DDX6: variants seen among roughly 807,000 people sequenced by gnomAD.
DDX6 encodes the protein probable ATP-dependent RNA helicase DDX6.
Under a neutral mutation model 60.6 loss-of-function variants are expected in DDX6, and 7 were observed. The ratio of observed to expected loss-of-function variants is 0.12; its 90% CI spans 0.07 to 0.22. DDX6 has a LOEUF of 0.22. DDX6 is among the 10% of genes least tolerant of loss of function. DDX6 has a pLI of 1.00. For synonymous variants in DDX6, 207 were observed against 201.0 expected, an observed-to-expected ratio of 1.03 and a Z score of -0.25; for missense variants, 270 against 589.9, an observed-to-expected ratio of 0.46 and a Z score of 5.62.
At chr11:118,774,583 C>T (rs984384800) in intron 4 of DDX6, among the ~76,000 whole-genome samples, 2 of 149,968 alleles carry the variant, frequency 1.3e-5, no homozygotes, top group African/African-American at 4.9e-5. Context: ...GACTACATGT[C>T]CCCCATGCCC....
intron 2 of DDX6, among the ~76,000 whole-genome samples, chr11:118,783,927 G>A (rs541365988): frequency 2.6e-5 from 4 of 151,280 alleles, no homozygotes; most frequent in African/African-American, 9.7e-5. Context: ...ACCAGCCTGG[G>A]CAACATGACA....
chr11:118,786,192 C>G lies in DDX6; in HGVS notation c.60G>C (p.Gln20His). The change falls in exon 2 of 14, where the codon CAG (glutamine) becomes CAC (histidine). Residue 20 changes from glutamine (Q) to histidine (H), a missense_variant. Around this residue, in one of 8 missense-constraint regions of DDX6, gnomAD observed 102 missense variants for 110.5 expected, o/e 0.92. Coordinates refer to ENST00000534980, the MANE Select transcript of DDX6 (RefSeq NM_004397.6). ...VIMGLSSQNG[Q>H]LRGPVKPTGG... The stretch of plus-strand genomic sequence containing the variant: ...CAGTGGGTTTCACAGGGCCTCTCAG[C>G]TGACCATTTTGACTGGACAGACCCA... 1 of 1,613,968 alleles carries G rather than the reference C, an allele frequency of 6.2e-7. No homozygotes were observed. Among genetic ancestry groups the G allele is most frequent in the Non-Finnish European group, 8.5e-7 (1 of 1,179,884 alleles).
At chr11:118,757,414 TGAGA>T (rs1274445523) in intron 9 of DDX6, 127 bp from the exon 10 acceptor site, 100 of 503,760 alleles carry the variant, frequency 2.0e-4, no homozygotes, top group Non-Finnish European at 2.8e-4. Flanking sequence ...TCTCATGATA[TGAGA>T]GAGATGGTAA....
chr11:118,778,763 T>A (rs1457874278), intron 4 of DDX6, among the ~76,000 whole-genome samples: 1 of 152,138 alleles, frequency 6.6e-6, no homozygotes, highest in Non-Finnish European at 1.5e-5. Context: ...TAGGCACACC[T>A]TCAAACATGA....
intron 13 of DDX6, among the ~76,000 whole-genome samples, chr11:118,754,076 C>A (rs967987980): frequency 6.6e-6 from 1 of 151,812 alleles, no homozygotes; most frequent in Admixed American, 6.6e-5. Flanking sequence ...CCAGCCTGGG[C>A]AACAGAGCAA....
chr11:118,768,847 A>T (rs1861438910), intron 4 of DDX6, among the ~76,000 whole-genome samples: 1 of 151,676 alleles, frequency 6.6e-6, no homozygotes, highest in Non-Finnish European at 1.5e-5. Flanking sequence ...AAAAACCCCA[A>T]CTCTACAAAA....
chr11:118,777,214 TCAAA>T (rs2137518014), intron 4 of DDX6, among the ~76,000 whole-genome samples: 1 of 143,182 alleles, frequency 7.0e-6, no homozygotes, highest in East Asian at 2.1e-4. Context: ...ATTCCCAAGG[TCAAA>T]CACTTTCTAG....
chr11:118,767,521 A>C (rs1555161480), intron 5 of DDX6: 1 of 151,834 alleles, frequency 6.6e-6, no homozygotes, highest in Non-Finnish European at 1.5e-5. Context: ...ACAGAAGTTC[A>C]TGTTTCTACA....
intron 12 of DDX6, 22 bp downstream of exon 12, chr11:118,755,380 A>AGT: frequency 6.8e-7 from 1 of 1,476,710 alleles, no homozygotes; most frequent in Non-Finnish European, 9.4e-7. Context: ...TCTACCAAGA[A>AGT]TATCACCTCT....
Position 118,760,192 on chromosome 11 carries a change from A to G in DDX6, c.742-148T>C, listed in dbSNP as rs574787781. ...AACAATAAATTCTCTCCAACACTGC[A>G]GAGAGTCAAATATGCAGAAGGGGGC... is the stretch of plus-strand genomic sequence containing the variant. On this transcript the variant is annotated intron_variant, in intron 7 of 13. Coordinates refer to ENST00000534980, the MANE Select transcript of DDX6 (RefSeq NM_004397.6). 8.9e-6 allele frequency: 7 copies of G among 786,040 alleles called. No individual in the cohort carries two copies. The Admixed American group carries it at 1.9e-4, about 22-fold the overall frequency. The allele number at this position is 786,040 out of a possible 1,614,324, so 48.7% of individuals were successfully genotyped here. A position where few individuals can be genotyped will look rare whatever the true frequency, so the allele number is the denominator to read the frequency against.
At chr11:118,771,644 T>G (rs1479083199) in intron 4 of DDX6, among the ~76,000 whole-genome samples, 1 of 152,228 alleles carries the variant, frequency 6.6e-6, no homozygotes, top group East Asian at 1.9e-4. Context: ...AAACGAAAAC[T>G]TTTTTTAAAA....
In DDX6 at chr11:118,786,325, A is replaced by C. The variant is rs569115496; in HGVS notation, c.-74T>G. On this transcript the variant is annotated 5_prime_UTR_variant, in exon 2 of 14. Transcript: ENST00000534980. ...AGTAGAGAAACTGTAATAACAGTTT[A>C]TTAGGCTCTCCAAAATGAAGAGATA... 2.4e-6 allele frequency: 3 copies of C among 1,268,874 alleles called. No homozygotes were observed. Among genetic ancestry groups the C allele is most frequent in the Non-Finnish European group, 3.3e-6 (3 of 911,232 alleles). The allele number at this position is 1,268,874 out of a possible 1,614,324, so 78.6% of individuals were successfully genotyped here. A position where few individuals can be genotyped will look rare whatever the true frequency, so the allele number is the denominator to read the frequency against.
At chr11:118,757,600 T>A (rs182321126) in intron 9 of DDX6, among the ~76,000 whole-genome samples, 31 of 152,152 alleles carry the variant, frequency 2.0e-4, no homozygotes, top group South Asian at 1.5e-3. Flanking sequence ...ATTTTATTTT[T>A]TTTTTGTGAA....
At chr11:118,781,493 A>G (rs568525651) in intron 2 of DDX6, among the ~76,000 whole-genome samples, 1 of 152,210 alleles carries the variant, frequency 6.6e-6, no homozygotes, top group South Asian at 2.1e-4. Context: ...AATGAGTTTA[A>G]ATTAGTTCTC....
chr11:118,754,047 G>A (rs554275759), intron 13 of DDX6, among the ~76,000 whole-genome samples: 5 of 152,268 alleles, frequency 3.3e-5, no homozygotes, highest in African/African-American at 7.2e-5. Context: ...GCAGTGGGCC[G>A]TGATTGTGCC....
At chr11:118,757,414 T>C in intron 9 of DDX6, 127 bp from the exon 10 acceptor site, 1 of 503,762 alleles carries the variant, frequency 2.0e-6, no homozygotes. Context: ...TCTCATGATA[T>C]GAGAGAGATG....
intron 2 of DDX6, among the ~76,000 whole-genome samples, chr11:118,783,660 G>A (rs1199019627): frequency 6.6e-6 from 1 of 151,668 alleles, no homozygotes; most frequent in Non-Finnish European, 1.5e-5. Flanking sequence ...AAATTAGCCA[G>A]ACGTGATGGT....
At chr11:118,776,843 AAAG>A (rs2137516461) in intron 4 of DDX6, among the ~76,000 whole-genome samples, 1 of 152,002 alleles carries the variant, frequency 6.6e-6, no homozygotes, top group African/African-American at 2.4e-5. Flanking sequence ...AAAAAAAAAA[AAAG>A]AAAGAAAAAA....
intron 7 of DDX6, among the ~76,000 whole-genome samples, chr11:118,761,685 A>C (rs1412565622): frequency 6.6e-6 from 1 of 152,206 alleles, no homozygotes; most frequent in Non-Finnish European, 1.5e-5. Flanking sequence ...CTTCTTAAAA[A>C]TTAAACCTAA....
Sources: allele counts gnomAD v4.1 joint callset (sites outside exome capture counted in the v4.1 genomes callset), GRCh38; gene constraint gnomAD v4.1.1; regional missense constraint gnomAD v4.1.1; transcripts MANE v1.5; gene names NCBI Gene and HGNC (gene_info 2026-07-23, HGNC 2026-07-21).